UIMC1: variants seen among roughly 807,000 people sequenced by gnomAD.
UIMC1 encodes ubiquitin interaction motif containing 1, also known as BRCA1-A complex subunit RAP80.
In UIMC1, 42 loss-of-function variants were observed where a neutral mutation model predicts 84.9. The observed-to-expected ratio is 0.49, with a 90% CI of 0.39 to 0.64. The LOEUF (loss-of-function observed/expected upper bound fraction) is 0.64. UIMC1 is among the 30% of genes least tolerant of loss of function. The pLI is 0.00. For missense variants in UIMC1, 825 were observed against 847.6 expected, an observed-to-expected ratio of 0.97 and a Z score of 0.33; for synonymous variants, 281 against 293.0, an observed-to-expected ratio of 0.96 and a Z score of 0.42.
chr5:176,938,852 T>C (rs1437504535), intron 10 of UIMC1, among the ~76,000 whole-genome samples: 1 of 152,130 alleles, frequency 6.6e-6, no homozygotes, highest in Non-Finnish European at 1.5e-5. Flanking sequence ...TTTAATTAAT[T>C]TCTTGGGGAA....
intron 10 of UIMC1, among the ~76,000 whole-genome samples, chr5:176,929,711 T>C (rs1762852402): frequency 6.6e-6 from 1 of 152,198 alleles, no homozygotes; most frequent in Non-Finnish European, 1.5e-5. Flanking sequence ...TCTCAATTTT[T>C]AAGTTTGAAA....
chr5:176,921,730 G>A (rs1399468349), intron 10 of UIMC1, among the ~76,000 whole-genome samples: 1 of 152,060 alleles, frequency 6.6e-6, no homozygotes, highest in Admixed American at 6.6e-5. Flanking sequence ...CTGGAATAAT[G>A]CAACAGCCAC....
chr5:176,912,718 T>A (rs753045908), intron 10 of UIMC1, among the ~76,000 whole-genome samples: 66 of 152,178 alleles, frequency 4.3e-4, no homozygotes, highest in Non-Finnish European at 5.9e-4. Flanking sequence ...CAGGCTGGAA[T>A]GCAATGGCAC....
intron 6 of UIMC1, among the ~76,000 whole-genome samples, chr5:176,963,594 G>T (rs1767870225): frequency 6.6e-6 from 1 of 151,186 alleles, no homozygotes; most frequent in African/African-American, 2.4e-5. Flanking sequence ...TCTATTGTGT[G>T]ACACTGGTAG....
Position 176,975,414 on chromosome 5 carries a change from CCAAA to C in UIMC1, c.210_213del (p.Cys70TrpfsTer9), listed in dbSNP as rs1769906628. On this transcript the variant is annotated frameshift_variant, in exon 3 of 15. Coordinates refer to ENST00000511320, the MANE Select transcript of UIMC1 (RefSeq NM_001199298.2). LOFTEE classifies it high-confidence loss of function. Reference sequence around the variant, plus strand: ...AACATACGTGCGATTTTTCTTTTGGCCAAACACTTTGCTCTATTCGACTGTTTTG... The same window carrying C: ...AACATACGTGCGATTTTTCTTTTGGCCACTTTGCTCTATTCGACTGTTTTG... The C allele has an allele frequency of 2.5e-6, 4 of 1,613,616 alleles. No homozygotes were observed. The highest frequency in any genetic ancestry group is 3.4e-6 in the Non-Finnish European group (4 of 1,179,894).
In UIMC1 at chr5:176,968,945, A is replaced by C. The variant is rs1158287154; in HGVS notation, c.810T>G (p.Thr270=). Residue 270 remains threonine, a synonymous_variant, in exon 6 of 15, where the codon ACT becomes ACG. Transcript: ENST00000511320. ...TLADAKGLQD[T]GGTVNYFWGI... Reference sequence around the variant, plus strand: ...CCCAGAAATAGTTCACAGTGCCCCCAGTGTCCTGGAGACCTTTGGCATCTG... The same window carrying C: ...CCCAGAAATAGTTCACAGTGCCCCCCGTGTCCTGGAGACCTTTGGCATCTG... 43 of 1,614,196 alleles carry C rather than the reference A, an allele frequency of 2.7e-5. No homozygotes were observed. Among genetic ancestry groups the C allele is most frequent in the Non-Finnish European group, 3.3e-5 (39 of 1,180,032 alleles).
intron 10 of UIMC1, among the ~76,000 whole-genome samples, chr5:176,928,823 C>A (rs1426170103): frequency 2.0e-5 from 3 of 151,978 alleles, no homozygotes; most frequent in African/African-American, 7.3e-5. Context: ...TGGTGGGGGG[C>A]ACCTGTAGTC....
At chr5:177,000,034 C>T (rs568921542) in intron 1 of UIMC1, among the ~76,000 whole-genome samples, 1 of 152,294 alleles carries the variant, frequency 6.6e-6, no homozygotes, top group East Asian at 1.9e-4. Flanking sequence ...TCTCAGCTCA[C>T]TGCAAGCTCC....
intron 6 of UIMC1, among the ~76,000 whole-genome samples, chr5:176,963,157 TAAAAAAAAAAA>T (rs70991588): frequency 3.6e-4 from 5 of 13,986 alleles, no homozygotes; most frequent in African/African-American, 7.7e-4. Context: ...AAAAATAAAT[TAAAAAAAAAAA>T]AAAAAAAAAA....
At chr5:176,909,510 G>C (rs1292690593) in intron 11 of UIMC1, among the ~76,000 whole-genome samples, 1 of 152,118 alleles carries the variant, frequency 6.6e-6, no homozygotes, top group East Asian at 1.9e-4. Flanking sequence ...TCAGAAACTA[G>C]ATTTGCCTGA....
chr5:176,915,550 G>C (rs1456448575), intron 10 of UIMC1, among the ~76,000 whole-genome samples: 1 of 151,034 alleles, frequency 6.6e-6, no homozygotes, highest in Non-Finnish European at 1.5e-5. Flanking sequence ...CTGCCTCCCA[G>C]GTTCAAGCAA....
chr5:177,004,676 A>G (rs1251504277), intron 1 of UIMC1, among the ~76,000 whole-genome samples: 1 of 152,186 alleles, frequency 6.6e-6, no homozygotes, highest in African/African-American at 2.4e-5. Context: ...CACAGGTAAC[A>G]TTTTGGGCAG....
chr5:176,995,914 A>T (rs949198171), intron 1 of UIMC1, among the ~76,000 whole-genome samples: 3 of 151,978 alleles, frequency 2.0e-5, no homozygotes, highest in Non-Finnish European at 4.4e-5. Flanking sequence ...GGAGTTTCTT[A>T]AAAAATAAGC....
chr5:176,916,809 A>G (rs1186445276), intron 10 of UIMC1, among the ~76,000 whole-genome samples: 1 of 152,246 alleles, frequency 6.6e-6, no homozygotes, highest in East Asian at 1.9e-4. Flanking sequence ...AGTGGTTTCC[A>G]TACTAAATTT....
intron 1 of UIMC1, among the ~76,000 whole-genome samples, chr5:176,994,008 C>CAA (rs748687355): frequency 1.0e-5 from 1 of 99,964 alleles, no homozygotes; most frequent in South Asian, 3.0e-4. Flanking sequence ...AACTCTATCT[C>CAA]AAAAAAAAAA....
At chr5:176,906,842 T>C (rs184907458) in intron 13 of UIMC1, among the ~76,000 whole-genome samples, 1 of 152,394 alleles carries the variant, frequency 6.6e-6, no homozygotes, top group African/African-American at 2.4e-5. Flanking sequence ...GCTTGTCGTA[T>C]TCCCCTGTGT....
upstream of UIMC1, among the ~76,000 whole-genome samples, chr5:177,007,911 C>G (rs1775434792): frequency 6.6e-6 from 1 of 152,056 alleles, no homozygotes; most frequent in Non-Finnish European, 1.5e-5. Flanking sequence ...TAGAGACTAG[C>G]CTGACCAACA....
chr5:176,999,789 T>C (rs1332605900), intron 1 of UIMC1, among the ~76,000 whole-genome samples: 1 of 152,226 alleles, frequency 6.6e-6, no homozygotes, highest in East Asian at 1.9e-4. Context: ...ATATTTTCTT[T>C]ATCCATTCAT....
At chr5:176,957,268 T>A (rs1212081037) in intron 7 of UIMC1, among the ~76,000 whole-genome samples, 2 of 152,266 alleles carry the variant, frequency 1.3e-5, no homozygotes, top group East Asian at 3.9e-4. Flanking sequence ...CCACCTTGAC[T>A]ACAGCAAATG....
Sources: allele counts gnomAD v4.1 joint callset (sites outside exome capture counted in the v4.1 genomes callset), GRCh38; gene constraint gnomAD v4.1.1; transcripts MANE v1.5; gene names NCBI Gene and HGNC (gene_info 2026-07-23, HGNC 2026-07-21).